The following USP15 variants were observed in gnomAD, a reference collection of about 807,000 sequenced individuals.
The protein encoded by USP15 is ubiquitin carboxyl-terminal hydrolase 15.
A neutral mutation model predicts 127.1 loss-of-function variants in USP15; 18 were observed. The observed-to-expected ratio is 0.14, with a 90% confidence interval of 0.10 to 0.21. USP15 has a LOEUF of 0.21. USP15 is among the 10% of genes least tolerant of loss of function. The pLI, the probability that USP15 is intolerant of heterozygous loss-of-function variation, is 1.00. For missense variants in USP15, 805 were observed against 1,159.9 expected (o/e 0.69, Z 4.44); for synonymous variants, 364 against 393.7 (o/e 0.92, Z 0.89).
chr12:62,348,853 T>G (rs1232771351), intron 6 of USP15, among the ~76,000 whole-genome samples: 1 of 152,166 alleles, frequency 6.6e-6, no homozygotes, highest in Non-Finnish European at 1.5e-5. Flanking sequence ...AATGCCATGG[T>G]GTACCAGTGA....
chr12:62,350,318 A>G (rs1180636610), intron 7 of USP15, among the ~76,000 whole-genome samples: 5 of 152,112 alleles, frequency 3.3e-5, no homozygotes, highest in Non-Finnish European at 5.9e-5. Context: ...TTATTTTCTA[A>G]CAGCTCAGAA....
chr12:62,291,195 G>A (rs879775961), intron 1 of USP15, among the ~76,000 whole-genome samples: 14 of 151,866 alleles, frequency 9.2e-5, no homozygotes, highest in Non-Finnish European at 1.5e-4. Flanking sequence ...TTTCTTTCTC[G>A]AGAATACCTA....
chr12:62,380,060 T>C (rs1373610516), intron 8 of USP15, among the ~76,000 whole-genome samples: 1 of 152,052 alleles, frequency 6.6e-6, no homozygotes, highest in Non-Finnish European at 1.5e-5. Flanking sequence ...GCTGAAAATA[T>C]GTATATGACT....
intron 3 of USP15, among the ~76,000 whole-genome samples, chr12:62,304,459 C>A (rs1230191042): frequency 1.3e-5 from 2 of 152,098 alleles, no homozygotes; most frequent in Non-Finnish European, 2.9e-5. Context: ...TTGGGAATTT[C>A]ATTTGCATTT....
At chr12:62,368,608 T>G (rs1456419622) in intron 8 of USP15, among the ~76,000 whole-genome samples, 1 of 152,220 alleles carries the variant, frequency 6.6e-6, no homozygotes, top group African/African-American at 2.4e-5. Flanking sequence ...AAAGTATGTT[T>G]TATCAAAGAT....
At chr12:62,340,381 A>G (rs1014520186) in intron 6 of USP15, among the ~76,000 whole-genome samples, 2 of 151,010 alleles carry the variant, frequency 1.3e-5, no homozygotes, top group East Asian at 1.9e-4. Flanking sequence ...TCCTGTCTCT[A>G]TCTCCTTCAG....
chr12:62,271,076 T>C (rs1250897489), intron 1 of USP15, among the ~76,000 whole-genome samples: 1 of 151,978 alleles, frequency 6.6e-6, no homozygotes, highest in Admixed American at 6.6e-5. Flanking sequence ...CTTAAGAACA[T>C]AGATAAGTGT....
chr12:62,307,778 A>T (rs1274248490), intron 3 of USP15, among the ~76,000 whole-genome samples: 1 of 152,074 alleles, frequency 6.6e-6, no homozygotes. Flanking sequence ...TTATCAATCT[A>T]CTGTCACAGT....
At chr12:62,394,317 A>G (rs1013137646) in intron 19 of USP15, among the ~76,000 whole-genome samples, 1 of 152,222 alleles carries the variant, frequency 6.6e-6, no homozygotes, top group South Asian at 2.1e-4. Context: ...ACCAAAATGT[A>G]CTTGATACAG....
intron 7 of USP15, among the ~76,000 whole-genome samples, chr12:62,354,275 T>A (rs2066053334): frequency 6.6e-6 from 1 of 151,930 alleles, no homozygotes; most frequent in African/African-American, 2.4e-5. Flanking sequence ...AAGAAAAAAC[T>A]ACTTTAAAAA....
intron 1 of USP15, among the ~76,000 whole-genome samples, chr12:62,285,156 G>A (rs761069604): frequency 6.6e-6 from 1 of 152,082 alleles, no homozygotes; most frequent in South Asian, 2.1e-4. Context: ...TTTGTTACAT[G>A]GATGAACTGC....
At chr12:62,386,898 C>T (rs928843676) in intron 11 of USP15, among the ~76,000 whole-genome samples, 3 of 152,150 alleles carry the variant, frequency 2.0e-5, no homozygotes, top group Admixed American at 2.0e-4. Context: ...AACACTTCAA[C>T]TCTGTCAGGA....
At chr12:62,292,741 G>T (rs553797708) in intron 1 of USP15, among the ~76,000 whole-genome samples, 1 of 152,258 alleles carries the variant, frequency 6.6e-6, no homozygotes, top group Admixed American at 6.5e-5. Context: ...CTCTTGGGGG[G>T]CGCTGGAAAA....
At chr12:62,317,156 T>C (rs1565848301) in intron 4 of USP15, among the ~76,000 whole-genome samples, 3 of 152,154 alleles carry the variant, frequency 2.0e-5, no homozygotes, top group Non-Finnish European at 2.9e-5. Flanking sequence ...GTTTAAAAAA[T>C]TTGAAAGTCT....
chr12:62,384,329 T>C, intron 11 of USP15, 27 bp downstream of exon 11: 1 of 16,890 alleles, frequency 5.9e-5, no homozygotes, highest in Non-Finnish European at 7.4e-5. Context: ...TTTGTTTTGT[T>C]TTTTTTTTTT....
intron 3 of USP15, among the ~76,000 whole-genome samples, chr12:62,306,640 A>T (rs2064490594): frequency 6.8e-6 from 1 of 147,644 alleles, no homozygotes; most frequent in African/African-American, 2.6e-5. Flanking sequence ...TTATAGTCAG[A>T]TGTGAGAGAA....
chr12:62,358,120 T>C (rs2066194981), intron 8 of USP15, among the ~76,000 whole-genome samples: 1 of 151,990 alleles, frequency 6.6e-6, no homozygotes, highest in African/African-American at 2.4e-5. Flanking sequence ...ATTTAAGTGA[T>C]CATTTCAGCA....
chr12:62,277,689 A>G (rs1318034096), intron 1 of USP15: 1 of 122,232 alleles, frequency 8.2e-6, no homozygotes, highest in African/African-American at 3.3e-5. Flanking sequence ...CACTAACGCT[A>G]AAAATAGATG....
Position 62,414,495 on chromosome 12 carries a change from C to T in USP15, c.*10120C>T, listed in dbSNP as rs776268783. 1.3e-5 allele frequency: 2 copies of T among 152,204 alleles called. No homozygotes were observed. The highest frequency in any genetic ancestry group is 2.9e-5 in the Non-Finnish European group (2 of 68,082). 9.4% of individuals were successfully genotyped at this position (152,204 alleles called of 1,614,324 possible). On this transcript the variant is annotated 3_prime_UTR_variant, in exon 22 of 22. Coordinates refer to ENST00000280377, the MANE Select transcript of USP15 (RefSeq NM_001252078.2). ...AGCTGGGTCTACAGGCATGTGCCACCACACCACACCTGGCTAATTTTTGTA... is the reference window on the plus strand; with the variant it reads ...AGCTGGGTCTACAGGCATGTGCCACTACACCACACCTGGCTAATTTTTGTA...
Sources: allele counts gnomAD v4.1 joint callset (sites outside exome capture counted in the v4.1 genomes callset), GRCh38; gene constraint gnomAD v4.1.1; transcripts MANE v1.5; gene names NCBI Gene and HGNC (gene_info 2026-07-23, HGNC 2026-07-21).